The following TMEM120B variants were observed in gnomAD, a reference collection of about 807,000 sequenced individuals.
TMEM120B encodes transmembrane protein 120B.
In TMEM120B, 31 loss-of-function variants were observed where a neutral mutation model predicts 55.5. The ratio of observed to expected loss-of-function variants is 0.56; its 90% confidence interval spans 0.42 to 0.75. The LOEUF is 0.75. TMEM120B is among the 30% of genes least tolerant of loss of function. The probability of loss-of-function intolerance (pLI) is 0.00; values close to 1 mark genes in which losing one functional copy is unlikely to be tolerated. For missense variants in TMEM120B, 399 were observed against 425.5 expected (o/e 0.94, Z 0.55); for synonymous variants, 203 against 176.3 (o/e 1.15, Z -1.20).
intron 1 of TMEM120B, among the ~76,000 whole-genome samples, chr12:121,741,430 A>G (rs1872930818): frequency 6.6e-6 from 1 of 152,154 alleles, no homozygotes; most frequent in South Asian, 2.1e-4. Flanking sequence ...CCCGGGTTCA[A>G]GCGATTCTCC....
At chr12:121,774,842 G>C in intron 10 of TMEM120B, 120 bp downstream of exon 10, 2 of 1,337,192 alleles carry the variant, frequency 1.5e-6, no homozygotes, top group Admixed American at 2.1e-5. Flanking sequence ...AGCATCCTGG[G>C]GCCGGGGCAG....
At chr12:121,721,014 G>A (rs1894780973) in intron 1 of TMEM120B, among the ~76,000 whole-genome samples, 1 of 152,126 alleles carries the variant, frequency 6.6e-6, no homozygotes, top group Non-Finnish European at 1.5e-5. Flanking sequence ...CTTCCCACTG[G>A]GGCAGAGCTT....
chr12:121,741,979 CCT>C (rs1011375680), intron 1 of TMEM120B, among the ~76,000 whole-genome samples: 1 of 151,480 alleles, frequency 6.6e-6, no homozygotes, highest in Non-Finnish European at 1.5e-5. Context: ...TTAGCCTTTG[CCT>C]CTTCCTTATT....
chr12:121,772,497 G>A (rs78569684), intron 8 of TMEM120B, among the ~76,000 whole-genome samples: 2,074 of 146,628 alleles, frequency 0.014, 50 homozygotes, highest in African/African-American at 0.05. Context: ...GTGCGGTGTT[G>A]TGATCTCGGC....
At chr12:121,730,652 A>C in intron 1 of TMEM120B, among the ~76,000 whole-genome samples, 1 of 148,126 alleles carries the variant, frequency 6.8e-6, no homozygotes, top group Non-Finnish European at 1.5e-5. Flanking sequence ...ACAGTCAAAA[A>C]AAAAAAAAAA....
At chr12:121,727,248 G>A (rs1413967156) in intron 1 of TMEM120B, among the ~76,000 whole-genome samples, 1 of 151,100 alleles carries the variant, frequency 6.6e-6, no homozygotes, top group Non-Finnish European at 1.5e-5. Context: ...ACATCTTTAG[G>A]ATGACATCCA....
intron 1 of TMEM120B, among the ~76,000 whole-genome samples, chr12:121,731,396 C>T (rs1308294427): frequency 1.3e-5 from 2 of 152,122 alleles, no homozygotes; most frequent in Admixed American, 6.5e-5. Flanking sequence ...AGATTACAGG[C>T]GGGTGCCACC....
chr12:121,772,018 T>C (rs558729481), intron 8 of TMEM120B, among the ~76,000 whole-genome samples: 11 of 151,362 alleles, frequency 7.3e-5, no homozygotes, highest in African/African-American at 2.7e-4. Context: ...GTGTATTGCC[T>C]TTCTTTCCCT....
chr12:121,714,158 G>A (rs147281948), intron 1 of TMEM120B, among the ~76,000 whole-genome samples: 13 of 152,286 alleles, frequency 8.5e-5, no homozygotes, highest in South Asian at 4.1e-4. Flanking sequence ...AGCATGTGTA[G>A]GTTGATGCCT....
chr12:121,774,464 A>G (rs1284751235), intron 9 of TMEM120B, among the ~76,000 whole-genome samples, 194 bp from the exon 10 acceptor site: 1 of 152,228 alleles, frequency 6.6e-6, no homozygotes, highest in African/African-American at 2.4e-5. Context: ...GAGAGCAGTC[A>G]GGCCAGGTGA....
chr12:121,733,486 C>T (rs967807742), intron 1 of TMEM120B, among the ~76,000 whole-genome samples: 5 of 151,326 alleles, frequency 3.3e-5, no homozygotes, highest in African/African-American at 9.7e-5. Context: ...CCTCATGATC[C>T]GCCCGCCTCG....
Position 121,777,969 on chromosome 12 carries a change from C to CT in TMEM120B, c.*2249dup. The CT allele has an allele frequency of 1.3e-5, 2 of 152,290 alleles. No individual in the cohort carries two copies. Among genetic ancestry groups the CT allele is most frequent in the South Asian group, 4.1e-4 (2 of 4,826 alleles). The allele number at this position is 152,290 out of a possible 1,614,324, so 9.4% of individuals were successfully genotyped here. On this transcript the variant is annotated 3_prime_UTR_variant, in exon 12 of 12. Transcript: ENST00000449592. ...AAGGCTCCTTCCTTTGGCAACCTGA[C>CT]TTCTTGGAAGCTCAGGTTTAGCTGA...
chr12:121,770,813 G>A, intron 6 of TMEM120B, 94 bp from the exon 7 acceptor site: 1 of 1,175,226 alleles, frequency 8.5e-7, no homozygotes, highest in Middle Eastern at 1.9e-4. Context: ...TCTGAGTGCA[G>A]AGTAACCCCT....
intron 1 of TMEM120B, among the ~76,000 whole-genome samples, chr12:121,721,998 T>G (rs1894800786): frequency 6.6e-6 from 1 of 150,476 alleles, no homozygotes. Context: ...TAGTAGAGTT[T>G]CACCATGTTG....
chr12:121,756,181 G>A (rs1266301596), intron 5 of TMEM120B, among the ~76,000 whole-genome samples: 1 of 152,122 alleles, frequency 6.6e-6, no homozygotes, highest in Non-Finnish European at 1.5e-5. Context: ...CCTTACAGAA[G>A]GGACTCTGCA....
intron 6 of TMEM120B, among the ~76,000 whole-genome samples, chr12:121,764,976 C>T (rs919669290): frequency 2.6e-5 from 4 of 152,080 alleles, no homozygotes; most frequent in African/African-American, 4.8e-5. Context: ...TTCAAAGCTT[C>T]GTGTGAGTCT....
intron 2 of TMEM120B, among the ~76,000 whole-genome samples, chr12:121,746,931 C>T (rs1873103631): frequency 6.6e-6 from 1 of 151,168 alleles, no homozygotes; most frequent in Non-Finnish European, 1.5e-5. Flanking sequence ...GCACTCCAGC[C>T]TGGGCGACAG....
intron 2 of TMEM120B, 62 bp from the exon 3 acceptor site, chr12:121,748,264 G>C: frequency 7.4e-7 from 1 of 1,349,932 alleles, no homozygotes; most frequent in Non-Finnish European, 1.1e-6. Context: ...GGCCCGGGGA[G>C]TCCATAGCCC....
At chr12:121,731,118 A>G (rs910622403) in intron 1 of TMEM120B, among the ~76,000 whole-genome samples, 9 of 152,148 alleles carry the variant, frequency 5.9e-5, no homozygotes, top group African/African-American at 2.2e-4. Context: ...TCTGTTTGGC[A>G]TGGTGAAGTT....
Sources: allele counts gnomAD v4.1 joint callset (sites outside exome capture counted in the v4.1 genomes callset), GRCh38; gene constraint gnomAD v4.1.1; transcripts MANE v1.5; gene names NCBI Gene and HGNC (gene_info 2026-07-23, HGNC 2026-07-21).